GLS: variants seen among roughly 807,000 people sequenced by gnomAD.
GLS encodes glutaminase, also known as glutaminase kidney isoform, mitochondrial.
A neutral mutation model predicts 86.7 loss-of-function variants in GLS; 36 were observed. The ratio of observed to expected loss-of-function variants is 0.42; its 90% CI spans 0.32 to 0.55. The LOEUF (loss-of-function observed/expected upper bound fraction) is 0.55, where lower values mean the gene tolerates loss of function less well. Ranked by LOEUF, GLS falls within the 20% of genes least tolerant of loss-of-function variation. The pLI, the probability that GLS is intolerant of heterozygous loss-of-function variation, is 0.17. For synonymous variants in GLS, 317 were observed against 305.9 expected (o/e 1.04, Z -0.38); for missense variants, 528 against 833.4 (o/e 0.63, Z 4.51).
Position 190,925,064 on chromosome 2 carries a change from A to G in GLS, c.1248+471A>G, listed in dbSNP as rs149289034. Among the ~76,000 whole-genome samples, 515 of 152,326 alleles carry G rather than the reference A, an allele frequency of 3.4e-3. 9 individuals carry two copies. Among genetic ancestry groups the G allele is most frequent in the African/African-American group, 0.012 (495 of 41,572 alleles). On this transcript the variant is annotated intron_variant, in intron 11 of 17. Coordinates refer to ENST00000320717, the MANE Select transcript of GLS (RefSeq NM_014905.5). ...GTCCATGCATGTTGCCTAAAAATTC[A>G]TGCCTCAAAATGTAATGGGGACAAT... is the stretch of plus-strand genomic sequence containing the variant.
chr2:190,888,816 T>C (rs1688471447), intron 1 of GLS, among the ~76,000 whole-genome samples: 1 of 152,202 alleles, frequency 6.6e-6, no homozygotes, highest in Admixed American at 6.5e-5. Flanking sequence ...CTGTTCTTCA[T>C]GTCTCTACTT....
chr2:190,926,403 C>T (rs1188763904), intron 11 of GLS, among the ~76,000 whole-genome samples: 1 of 152,128 alleles, frequency 6.6e-6, no homozygotes, highest in Non-Finnish European at 1.5e-5. Flanking sequence ...ATTCACTGTA[C>T]TTAGTTTTCC....
rs1574587443 is a variant in GLS at position 190,913,759 on chromosome 2, T to A, written c.1038+3438T>A. 1.0e-6 allele frequency: 1 copy of A among 978,304 alleles called. No homozygotes were observed. The highest frequency in any genetic ancestry group is 1.1e-4 in the East Asian group (1 of 8,804). 60.6% of individuals were successfully genotyped at this position (978,304 alleles called of 1,614,324 possible). On this transcript the variant is annotated intron_variant, in intron 7 of 17. Transcript: ENST00000320717. This position sits in a 1 kb window ranked among gnomAD's most constrained non-coding sequence, Gnocchi z 6.1. ...TAATGCTTTTTCATGTTAGAAATAG[T>A]AAAAGTTACACTGTCTTCTATGTTT...
rs1316356654 is a variant in GLS, at chr2:190,964,620, C to G, written c.*1634C>G. On this transcript the variant is annotated 3_prime_UTR_variant, in exon 18 of 18. Coordinates refer to ENST00000320717, the MANE Select transcript of GLS (RefSeq NM_014905.5). This position sits in a 1 kb window ranked among gnomAD's most constrained non-coding sequence, Gnocchi z 5.2. ...CCACGGCCAATGTTCCTTAGCTGCACCAGGCCCGAAGCTGTTCCCATGCTT... is the reference window on the plus strand; with the variant it reads ...CCACGGCCAATGTTCCTTAGCTGCAGCAGGCCCGAAGCTGTTCCCATGCTT... 1 of 152,226 alleles carries G rather than the reference C, an allele frequency of 6.6e-6. No individual in the cohort carries two copies. Among genetic ancestry groups the G allele is most frequent in the Non-Finnish European group, 1.5e-5 (1 of 68,070 alleles). 9.4% of individuals were successfully genotyped at this position (152,226 alleles called of 1,614,324 possible). A position where few individuals can be genotyped will look rare whatever the true frequency, so the allele number is the denominator to read the frequency against.
chr2:190,934,024 T>G (rs995722720), intron 14 of GLS: 17 of 971,348 alleles, frequency 1.8e-5, no homozygotes, highest in Non-Finnish European at 2.1e-5. Context: ...ATAGTTGTCT[T>G]GGCAAAGTGA....
intron 14 of GLS, chr2:190,933,748 C>A (rs974608364): frequency 2.6e-6 from 2 of 756,370 alleles, no homozygotes; most frequent in Admixed American, 1.3e-4. Context: ...TGGTTTTTAG[C>A]TTTTACATTT....
intron 1 of GLS, among the ~76,000 whole-genome samples, chr2:190,884,496 T>C (rs1388370960): frequency 6.6e-6 from 1 of 152,216 alleles, no homozygotes; most frequent in Non-Finnish European, 1.5e-5. Flanking sequence ...TCACAAACTA[T>C]GTTATGGTTT....
In GLS at chr2:190,953,642, G is replaced by A. The variant is rs1227677418; in HGVS notation, c.1712+16G>A. The A allele has an allele frequency of 6.5e-6, 10 of 1,534,778 alleles. No homozygotes were observed. Among genetic ancestry groups the A allele is most frequent in the Non-Finnish European group, 9.0e-6 (10 of 1,108,084 alleles). On this transcript the variant is annotated intron_variant, in intron 15 of 17. Transcript: ENST00000320717. This position sits in a 1 kb window ranked among gnomAD's most constrained non-coding sequence, Gnocchi z 4.0. ...CACTTCGAAGGTATGTTTACAGGATGGATTAGCATGCACTTTACAGATATT... is the reference window on the plus strand; with the variant it reads ...CACTTCGAAGGTATGTTTACAGGATAGATTAGCATGCACTTTACAGATATT...
At chr2:190,886,283 C>T (rs1169138183) in intron 1 of GLS, among the ~76,000 whole-genome samples, 1 of 152,072 alleles carries the variant, frequency 6.6e-6, no homozygotes, top group Non-Finnish European at 1.5e-5. Flanking sequence ...TAACTTTGTC[C>T]ATGATCTGTA....
At position 190,943,936 on chromosome 2, in the gene GLS, T is replaced by C. The variant is rs1326370922; in HGVS notation, c.1651-9629T>C. 6.6e-6 allele frequency among the ~76,000 whole-genome samples: 1 copy of C among 152,198 alleles called. No homozygotes were observed. ...CAATTAGTAAAGATTGTGTTAGTAT[T>C]GTGGGTTGGAATAACTATAGAAAAC... is the stretch of plus-strand genomic sequence containing the variant. On this transcript the variant is annotated intron_variant, in intron 14 of 17. Coordinates refer to ENST00000320717, the MANE Select transcript of GLS (RefSeq NM_014905.5). The surrounding 1 kb of genome is among the most constrained non-coding windows in gnomAD (Gnocchi z 4.5).
intron 6 of GLS, among the ~76,000 whole-genome samples, chr2:190,909,390 T>C (rs1031878752): frequency 3.9e-5 from 6 of 152,202 alleles, no homozygotes; most frequent in Admixed American, 6.5e-5. Context: ...TATATCATGT[T>C]ATAAAATAGA....
In GLS at chr2:190,930,922, G is replaced by A. The variant is rs189660073; in HGVS notation, c.1557+354G>A. On this transcript the variant is annotated intron_variant, in intron 13 of 17. Coordinates refer to ENST00000320717, the MANE Select transcript of GLS (RefSeq NM_014905.5). This position sits in a 1 kb window ranked among gnomAD's most constrained non-coding sequence, Gnocchi z 5.0. ...GGTTTATTATATCTTTAATCTGCAT[G>A]GTTAAATATCTTTATCCATTGACTA... Among the ~76,000 whole-genome samples the A allele has an allele frequency of 3.3e-5, 5 of 152,138 alleles. No individual in the cohort carries two copies. The highest frequency in any genetic ancestry group is 3.9e-4 in the East Asian group (2 of 5,188).
rs1238602942 is a variant in GLS, at chr2:190,938,342, T to C, written c.1650+6705T>C. On this transcript the variant is annotated intron_variant, in intron 14 of 17. Coordinates refer to ENST00000320717, the MANE Select transcript of GLS (RefSeq NM_014905.5). This position sits in a 1 kb window ranked among gnomAD's most constrained non-coding sequence, Gnocchi z 4.1. ...TTTTCATATTATGTTTCTGGTGATT[T>C]ATGTTTATATAATGAAAATCTCCTC... Among the ~76,000 whole-genome samples the C allele has an allele frequency of 1.3e-5, 2 of 151,580 alleles. No individual in the cohort carries two copies. Among genetic ancestry groups the C allele is most frequent in the Non-Finnish European group, 3.0e-5 (2 of 67,540 alleles).
At chr2:190,894,836 G>T (rs951009227) in intron 1 of GLS, among the ~76,000 whole-genome samples, 1 of 152,140 alleles carries the variant, frequency 6.6e-6, no homozygotes, top group Non-Finnish European at 1.5e-5. Flanking sequence ...AATTTGTATT[G>T]GGTGATTGTA....
intron 11 of GLS, among the ~76,000 whole-genome samples, chr2:190,925,888 A>AT (rs1326624517): frequency 1.3e-5 from 2 of 152,176 alleles, no homozygotes; most frequent in Non-Finnish European, 2.9e-5. Context: ...TTGCCATATT[A>AT]TGTGGAAGAT....
At chr2:190,957,438 T>C (rs4853452) in intron 17 of GLS, among the ~76,000 whole-genome samples, 12,999 of 152,254 alleles carry the variant, frequency 0.085, 1,061 homozygotes, top group Admixed American at 0.25. Flanking sequence ...GAACTGCCAA[T>C]ACTATGTTGA....
At chr2:190,893,089 T>G (rs1688618486) in intron 1 of GLS, among the ~76,000 whole-genome samples, 1 of 152,214 alleles carries the variant, frequency 6.6e-6, no homozygotes. Context: ...TGACCAACCA[T>G]TTGCTGTAAA....
intron 13 of GLS, among the ~76,000 whole-genome samples, chr2:190,931,257 T>C (rs533196120): frequency 1.3e-5 from 2 of 152,270 alleles, no homozygotes; most frequent in East Asian, 1.9e-4. Flanking sequence ...TTTACACTTA[T>C]TTGATAGAAG....
Position 190,923,733 on chromosome 2 carries a change from T to A in GLS, c.1131-184T>A, listed in dbSNP as rs138163995. Among the ~76,000 whole-genome samples, 79 of 152,316 alleles carry A rather than the reference T, an allele frequency of 5.2e-4. 1 individual carries two copies. Among genetic ancestry groups the A allele is most frequent in the Non-Finnish European group, 9.6e-4 (65 of 68,022 alleles). ...GCCAAGAAAATGAAGATTGAAAGAA[T>A]TACCACTTAAATGACTTGTCCAAAG... On this transcript the variant is annotated intron_variant, in intron 9 of 17. Coordinates refer to ENST00000320717, the MANE Select transcript of GLS (RefSeq NM_014905.5).
Sources: gnomAD v4.1 joint callset for allele counts (sites outside exome capture counted in the v4.1 genomes callset) on GRCh38, gnomAD v4.1.1 for gene constraint, Gnocchi (gnomAD v3.1) non-coding constraint, MANE v1.5 for transcripts, NCBI Gene and HGNC (gene_info 2026-07-23, HGNC 2026-07-21) for gene names.